Variants in MPP2 observed in about 807,000 individuals in gnomAD.
MPP2 encodes the protein MAGUK p55 scaffold protein 2.
Under a neutral mutation model 58.5 loss-of-function variants are expected in MPP2, and 42 were observed. That is an observed-to-expected ratio of 0.72 (90% CI 0.56 to 0.93). The LOEUF (loss-of-function observed/expected upper bound fraction) is 0.93. Among genes scored for constraint, MPP2 ranks in the 40% least tolerant of loss-of-function variants. MPP2 has a pLI of 0.00. For synonymous variants in MPP2, 300 were observed against 307.8 expected (o/e 0.97, Z 0.26); for missense variants, 632 against 760.4 (o/e 0.83, Z 1.99).
upstream of MPP2, among the ~76,000 whole-genome samples, chr17:43,908,458 G>A (rs2048367544): frequency 6.6e-6 from 1 of 152,236 alleles, no homozygotes; most frequent in Admixed American, 6.5e-5. Flanking sequence ...TCTTTGGCCG[G>A]GCGCGGTGGC....
chr17:43,901,491 T>C, intron 2 of MPP2: 2 of 985,478 alleles, frequency 2.0e-6, no homozygotes, highest in African/African-American at 3.5e-5. Context: ...CTCTGAGATC[T>C]TGTGCCCAAG....
chr17:43,884,090 G>C (rs1383654882), intron 3 of MPP2: 3 of 702,638 alleles, frequency 4.3e-6, no homozygotes, highest in South Asian at 3.0e-5. Context: ...TTACCCCAAA[G>C]TATTTCAGCA....
intron 6 of MPP2, among the ~76,000 whole-genome samples, 174 bp downstream of exon 6, chr17:43,882,110 C>T (rs2047155521): frequency 2.0e-5 from 3 of 152,250 alleles, no homozygotes; most frequent in Non-Finnish European, 2.9e-5. Context: ...TGTGCAGGTG[C>T]AGCAGCGGCA....
intron 3 of MPP2, among the ~76,000 whole-genome samples, chr17:43,894,966 T>C (rs1351901785): frequency 3.9e-5 from 6 of 152,086 alleles, no homozygotes; most frequent in Non-Finnish European, 7.4e-5. Context: ...CAAAGGTATA[T>C]TGTTTACAGC....
In MPP2 at chr17:43,879,682, A is replaced by G. The variant is rs2047011843; in HGVS notation, c.1353+100T>C. On this transcript the variant is annotated intron_variant, in intron 11 of 12. Coordinates refer to ENST00000269095, the MANE Select transcript of MPP2 (RefSeq NM_005374.5). This position sits in a 1 kb window ranked among gnomAD's most constrained non-coding sequence, Gnocchi z 4.1. ...CAGTAGTTGAGGGCAAAGGGGGTAC[A>G]TGGGCGTGTTCAGGTGACAGGTGTC... 1.5e-6 allele frequency: 2 copies of G among 1,355,964 alleles called. No individual in the cohort carries two copies. Among genetic ancestry groups the G allele is most frequent in the African/African-American group, 2.9e-5 (2 of 70,002 alleles). 84.0% of individuals were successfully genotyped at this position (1,355,964 alleles called of 1,614,324 possible). A position where few individuals can be genotyped will look rare whatever the true frequency, so the allele number is the denominator to read the frequency against.
chr17:43,898,149 G>A, intron 3 of MPP2, 113 bp downstream of exon 3: 1 of 811,828 alleles, frequency 1.2e-6, no homozygotes, highest in East Asian at 2.4e-5. Context: ...CCTTCAGGGG[G>A]GCCTCTTGTG....
At chr17:43,892,063 C>T (rs1022220841) in intron 3 of MPP2, among the ~76,000 whole-genome samples, 2 of 152,226 alleles carry the variant, frequency 1.3e-5, no homozygotes, top group African/African-American at 2.4e-5. Context: ...CTGCCAGGGC[C>T]GCCACTTGCT....
chr17:43,895,269 A>G (rs1204697713), intron 3 of MPP2, among the ~76,000 whole-genome samples: 3 of 152,060 alleles, frequency 2.0e-5, no homozygotes, highest in African/African-American at 7.2e-5. Flanking sequence ...GAATGCCACC[A>G]TGCTTAGCTA....
Position 43,883,395 on chromosome 17 carries a change from C to T in MPP2, c.151-40G>A, listed in dbSNP as rs1471551306. ...AGAACAGGTGGGGCTAGGAGCTTCCCCAGGAGCCCTGGGACACCAAGCAGG... is the reference window on the plus strand; with the variant it reads ...AGAACAGGTGGGGCTAGGAGCTTCCTCAGGAGCCCTGGGACACCAAGCAGG... On this transcript the variant is annotated intron_variant, in intron 3 of 12. Coordinates refer to ENST00000269095, the MANE Select transcript of MPP2 (RefSeq NM_005374.5). 2.5e-6 allele frequency: 4 copies of T among 1,590,246 alleles called. No individual in the cohort carries two copies. In the South Asian group the frequency reaches 4.5e-5, roughly 18 times the overall value.
intron 2 of MPP2, among the ~76,000 whole-genome samples, chr17:43,902,395 C>T (rs1262389146): frequency 6.6e-6 from 1 of 152,198 alleles, no homozygotes; most frequent in African/African-American, 2.4e-5. Flanking sequence ...ACTGGGCAGT[C>T]CCGGCTGGAG....
At chr17:43,898,202 T>A in intron 3 of MPP2, 60 bp downstream of exon 3, 1 of 1,273,946 alleles carries the variant, frequency 7.8e-7, no homozygotes, top group Non-Finnish European at 1.1e-6. Context: ...TAATACCCCA[T>A]CCCCTACTGT....
In MPP2 at chr17:43,879,823, C is replaced by A. The variant is rs778401510; in HGVS notation, c.1312G>T (p.Val438Phe). 1 of 1,613,934 alleles carries A rather than the reference C, an allele frequency of 6.2e-7. No individual in the cohort carries two copies. Among genetic ancestry groups the A allele is most frequent in the Non-Finnish European group, 8.5e-7 (1 of 1,179,956 alleles). Reference protein sequence around the residue: ...GTRIDSIRGVVAAGKVCVLDV... With the variant: ...GTRIDSIRGVFAAGKVCVLDV... The stretch of plus-strand genomic sequence containing the variant: ...AGCACGCACACCTTCCCAGCAGCGA[C>A]CACGCCCCGGATGGAGTCAATACGT... Residue 438 changes from valine (V) to phenylalanine (F), a missense_variant, in exon 11 of 13, where the codon GTC becomes TTC. Val to Phe is a conservative substitution (Grantham distance 50, BLOSUM62 -1). Coordinates refer to ENST00000269095, the MANE Select transcript of MPP2 (RefSeq NM_005374.5). This position sits in a 1 kb window ranked among gnomAD's most constrained non-coding sequence, Gnocchi z 4.1.
intron 3 of MPP2, among the ~76,000 whole-genome samples, chr17:43,893,913 T>C (rs918130232): frequency 2.6e-5 from 4 of 152,174 alleles, no homozygotes; most frequent in Non-Finnish European, 5.9e-5. Flanking sequence ...GCTGTACTAC[T>C]TGTATGAAAT....
chr17:43,881,988 A>G (rs889537238), intron 6 of MPP2, among the ~76,000 whole-genome samples: 5 of 152,060 alleles, frequency 3.3e-5, no homozygotes, highest in African/African-American at 1.2e-4. Flanking sequence ...TGACAACCCC[A>G]CCCTGCGCAC....
rs1244225078 is a variant in MPP2, at chr17:43,876,653, ACACG to A, written c.*1150_*1153del. The A allele has an allele frequency of 8.3e-5, 8 of 96,886 alleles. No individual in the cohort carries two copies. Among genetic ancestry groups the A allele is most frequent in the Admixed American group, 2.7e-4 (2 of 7,360 alleles). 6.0% of individuals were successfully genotyped at this position (96,886 alleles called of 1,614,324 possible). A position where few individuals can be genotyped will look rare whatever the true frequency, so the allele number is the denominator to read the frequency against. ...AATTAAACCTGACACACACACACAC[ACACG>A]CACGTGCACACGCACACACATACAC... On this transcript the variant is annotated 3_prime_UTR_variant, in exon 13 of 13. Coordinates refer to ENST00000269095, the MANE Select transcript of MPP2 (RefSeq NM_005374.5).
chr17:43,898,258 G>A lies in MPP2; in HGVS notation c.150+4C>T, dbSNP rs779806800. ...CTTGTGCCCACCTCCCTGGAGCACT[G>A]TACCTTGGCCAGGGATCTTACTATG... On this transcript the variant is annotated splice_donor_region_variant and intron_variant, in intron 3 of 12. Transcript: ENST00000269095. The A allele has an allele frequency of 1.9e-6, 3 of 1,610,092 alleles. No homozygotes were observed. The South Asian group carries it at 3.3e-5, about 18-fold the overall frequency.
At position 43,880,049 on chromosome 17, in the gene MPP2, T is replaced by C. The variant is rs2047039287; in HGVS notation, c.1151-65A>G. The C allele has an allele frequency of 2.0e-6, 3 of 1,488,350 alleles. No individual in the cohort carries two copies. Among genetic ancestry groups the C allele is most frequent in the African/African-American group, 2.8e-5 (2 of 72,376 alleles). The allele number at this position is 1,488,350 out of a possible 1,614,324, so 92.2% of individuals were successfully genotyped here. On this transcript the variant is annotated intron_variant, in intron 10 of 12. Transcript: ENST00000269095. The surrounding 1 kb of genome is among the most constrained non-coding windows in gnomAD (Gnocchi z 5.2). Reference sequence around the variant, plus strand: ...CAGGTTACAGTGCCTCAGACACATATATGCACCCCTACCCAGGCCCCCGTT... The same window carrying C: ...CAGGTTACAGTGCCTCAGACACATACATGCACCCCTACCCAGGCCCCCGTT...
intron 12 of MPP2, among the ~76,000 whole-genome samples, chr17:43,878,681 G>A (rs1435105253): frequency 6.6e-6 from 1 of 152,204 alleles, no homozygotes; most frequent in African/African-American, 2.4e-5. Flanking sequence ...CTCTGACCTG[G>A]GGCCGGAATG....
At chr17:43,900,407 C>G in intron 2 of MPP2, 1 of 1,527,784 alleles carries the variant, frequency 6.5e-7, no homozygotes, top group South Asian at 1.2e-5. Flanking sequence ...TGCCCCGACT[C>G]TGCTGGAGGA....
Sources: allele counts gnomAD v4.1 joint callset (sites outside exome capture counted in the v4.1 genomes callset), GRCh38; gene constraint gnomAD v4.1.1; non-coding constraint Gnocchi (gnomAD v3.1); transcripts MANE v1.5; gene names NCBI Gene and HGNC (gene_info 2026-07-23, HGNC 2026-07-21).